GRM3: variants seen among roughly 807,000 people sequenced by gnomAD.
GRM3 encodes glutamate metabotropic receptor 3.
In GRM3, 26 loss-of-function variants were observed where a neutral mutation model predicts 70.5. The ratio of observed to expected loss-of-function variants is 0.37; its 90% CI spans 0.27 to 0.51. The LOEUF (loss-of-function observed/expected upper bound fraction) is 0.51. Among genes scored for constraint, GRM3 ranks in the 20% least tolerant of loss-of-function variants. The pLI is 0.93. For synonymous variants in GRM3, 443 were observed against 434.9 expected, an observed-to-expected ratio of 1.02 and a Z score of -0.23; for missense variants, 859 against 1,123.8, an observed-to-expected ratio of 0.76 and a Z score of 3.37.
chr7:86,683,451 C>A (rs972629118), intron 1 of GRM3, among the ~76,000 whole-genome samples: 25 of 152,184 alleles, frequency 1.6e-4, no homozygotes, highest in African/African-American at 6.0e-4. Context: ...GAGGAGACAT[C>A]AGCACGTGGA....
intron 4 of GRM3, among the ~76,000 whole-genome samples, chr7:86,844,579 T>A (rs1798618043): frequency 6.6e-6 from 1 of 152,172 alleles, no homozygotes; most frequent in African/African-American, 2.4e-5. Context: ...CAGGCTGCTG[T>A]AAAGACTCTA....
At chr7:86,848,548 T>A (rs1798699779) in intron 4 of GRM3, among the ~76,000 whole-genome samples, 1 of 152,054 alleles carries the variant, frequency 6.6e-6, no homozygotes, top group Non-Finnish European at 1.5e-5. Flanking sequence ...GTGAGTTGAC[T>A]GGGAGATCTC....
chr7:86,851,109 A>C (rs752906867), intron 5 of GRM3, among the ~76,000 whole-genome samples: 2 of 152,172 alleles, frequency 1.3e-5, no homozygotes, highest in Non-Finnish European at 2.9e-5. Flanking sequence ...GAGAATCTCT[A>C]TGCAAGAAAA....
intron 1 of GRM3, among the ~76,000 whole-genome samples, chr7:86,724,171 A>G (rs1795538184): frequency 6.6e-6 from 1 of 152,180 alleles, no homozygotes; most frequent in African/African-American, 2.4e-5. Context: ...AACTGTATCT[A>G]AGATGATGTG....
chr7:86,731,126 C>A (rs530923665), intron 1 of GRM3, among the ~76,000 whole-genome samples: 1 of 152,280 alleles, frequency 6.6e-6, no homozygotes, highest in East Asian at 1.9e-4. Flanking sequence ...CCCTTCCTAA[C>A]CTCTGTAGAG....
chr7:86,853,841 C>T (rs944881094), intron 5 of GRM3, among the ~76,000 whole-genome samples: 10 of 152,174 alleles, frequency 6.6e-5, no homozygotes, highest in African/African-American at 2.4e-4. Flanking sequence ...GGTTCATCTG[C>T]TCCATGAGGC....
chr7:86,728,098 A>G (rs1795633612), intron 1 of GRM3, among the ~76,000 whole-genome samples: 1 of 152,162 alleles, frequency 6.6e-6, no homozygotes, highest in South Asian at 2.1e-4. Flanking sequence ...TCCTGTGAAT[A>G]TCCCTCCATG....
At chr7:86,704,375 C>A (rs1795011991) in intron 1 of GRM3, among the ~76,000 whole-genome samples, 1 of 151,882 alleles carries the variant, frequency 6.6e-6, no homozygotes, top group African/African-American at 2.4e-5. Context: ...TTTCCATTAT[C>A]ACCTAAATAA....
At chr7:86,835,119 A>G (rs1798430107) in intron 3 of GRM3, among the ~76,000 whole-genome samples, 1 of 152,114 alleles carries the variant, frequency 6.6e-6, no homozygotes, top group Non-Finnish European at 1.5e-5. Flanking sequence ...ACCAAGAGAA[A>G]CAAGAAATGG....
At position 86,765,092 on chromosome 7, in the gene GRM3, C is replaced by A. The variant is rs930240078; in HGVS notation, c.-54C>A. The A allele has an allele frequency of 6.6e-6, 10 of 1,519,460 alleles. No individual in the cohort carries two copies. The highest frequency in any genetic ancestry group is 8.8e-6 in the Non-Finnish European group (10 of 1,141,194). 94.1% of individuals were successfully genotyped at this position (1,519,460 alleles called of 1,614,324 possible). ...CAGTTTGGAAATGAGAGAGGACTAG[C>A]ATGACACATTGGCTCCACCATTGAT... On this transcript the variant is annotated 5_prime_UTR_variant, in exon 2 of 6. Transcript: ENST00000361669.
rs543849361 is a variant in GRM3 at position 86,697,993 on chromosome 7, C to T, written c.-141+53121C>T. Among the ~76,000 whole-genome samples the T allele has an allele frequency of 1.6e-3, 240 of 152,196 alleles. 2 individuals carry two copies. Among genetic ancestry groups the T allele is most frequent in the African/African-American group, 5.4e-3 (226 of 41,540 alleles). ...TTTTATAGATGAAAACTCTAAGACT[C>T]ATAAGACTTAAATAAGTTGACTGGT... On this transcript the variant is annotated intron_variant, in intron 1 of 5. Coordinates refer to ENST00000361669, the MANE Select transcript of GRM3 (RefSeq NM_000840.3).
At chr7:86,735,176 T>C (rs527989913) in intron 1 of GRM3, among the ~76,000 whole-genome samples, 1 of 152,310 alleles carries the variant, frequency 6.6e-6, no homozygotes, top group African/African-American at 2.4e-5. Context: ...ATGTGGTTAA[T>C]GATGACAGGA....
rs1562811270 is a variant in GRM3, at chr7:86,646,002, G to GA, written c.-141+1130_-141+1131insA. Among the ~76,000 whole-genome samples, 199 of 36,514 alleles carry GA rather than the reference G, an allele frequency of 5.4e-3. 7 individuals are homozygous for GA. Among genetic ancestry groups the GA allele is most frequent in the Non-Finnish European group, 6.4e-3 (118 of 18,324 alleles). The allele number at this position is 36,514 out of a possible 152,430, so 24.0% of individuals were successfully genotyped here. ...TGGTGGGCGGGGGGGTGGGGGTGGG[G>GA]GGGTGGGGGGGGGTGGGAGGGAGTT... On this transcript the variant is annotated intron_variant, in intron 1 of 5. Coordinates refer to ENST00000361669, the MANE Select transcript of GRM3 (RefSeq NM_000840.3).
intron 1 of GRM3, among the ~76,000 whole-genome samples, chr7:86,742,393 T>C (rs1179912203): frequency 6.6e-6 from 1 of 152,174 alleles, no homozygotes; most frequent in Non-Finnish European, 1.5e-5. Context: ...CTTTTTTAAC[T>C]GCTTTATTGA....
intron 2 of GRM3, among the ~76,000 whole-genome samples, chr7:86,782,007 T>C (rs1306197399): frequency 1.3e-5 from 2 of 152,172 alleles, no homozygotes; most frequent in Non-Finnish European, 2.9e-5. Context: ...GATGGCCCCC[T>C]GGTAAAATTC....
intron 1 of GRM3, among the ~76,000 whole-genome samples, chr7:86,676,123 A>G (rs1794300430): frequency 6.6e-6 from 1 of 151,974 alleles, no homozygotes; most frequent in Admixed American, 6.6e-5. Context: ...CCCTCAAGCT[A>G]AAGCTCTTAG....
intron 3 of GRM3, among the ~76,000 whole-genome samples, chr7:86,816,939 T>TGAGGA (rs1562873308): frequency 6.6e-6 from 1 of 151,292 alleles, no homozygotes; most frequent in African/African-American, 2.4e-5. Flanking sequence ...AGGGAAAAGA[T>TGAGGA]GAAGAAAGAG....
intron 1 of GRM3, among the ~76,000 whole-genome samples, chr7:86,755,950 T>C (rs1003566940): frequency 6.6e-6 from 1 of 152,176 alleles, no homozygotes; most frequent in African/African-American, 2.4e-5. Flanking sequence ...ACTTACAGAT[T>C]TTCTTCTGTA....
At chr7:86,676,716 G>T (rs562961141) in intron 1 of GRM3, among the ~76,000 whole-genome samples, 1 of 151,962 alleles carries the variant, frequency 6.6e-6, no homozygotes, top group Admixed American at 6.6e-5. Flanking sequence ...ATTTGGGAGG[G>T]TAAGCATAAA....
Sources: gnomAD v4.1 joint callset for allele counts (sites outside exome capture counted in the v4.1 genomes callset) on GRCh38, gnomAD v4.1.1 for gene constraint, MANE v1.5 for transcripts, NCBI Gene and HGNC (gene_info 2026-07-23, HGNC 2026-07-21) for gene names.